Variants in PPIL2 observed in about 807,000 individuals in gnomAD.
PPIL2 encodes the protein RING-type E3 ubiquitin-protein ligase PPIL2.
Under a neutral mutation model 75.2 loss-of-function variants are expected in PPIL2, and 50 were observed. That is an observed-to-expected ratio of 0.66 (90% confidence interval 0.53 to 0.84). PPIL2 has a LOEUF of 0.84. PPIL2 is among the 40% of genes least tolerant of loss of function. PPIL2 has a pLI of 0.00. For missense variants in PPIL2, 590 were observed against 685.0 expected, an observed-to-expected ratio of 0.86 and a Z score of 1.55; for synonymous variants, 245 against 258.8, an observed-to-expected ratio of 0.95 and a Z score of 0.51.
chr22:21,692,424 G>T (rs1025089649), intron 15 of PPIL2, among the ~76,000 whole-genome samples: 54 of 151,868 alleles, frequency 3.6e-4, no homozygotes, highest in Non-Finnish European at 1.6e-4. Flanking sequence ...AAAGTGCTGG[G>T]ATTACAGGCG....
chr22:21,672,510 A>G (rs1023920287), intron 5 of PPIL2, 129 bp downstream of exon 5: 2 of 903,264 alleles, frequency 2.2e-6, no homozygotes, highest in Admixed American at 2.0e-5. Flanking sequence ...GTGAGGAGGG[A>G]CAGTCTTCCC....
At position 21,688,743 on chromosome 22, in the gene PPIL2, T is replaced by C; in HGVS notation, c.1033T>C (p.Tyr345His). 1 of 1,614,164 alleles carries C rather than the reference T, an allele frequency of 6.2e-7. No homozygotes were observed. The highest frequency in any genetic ancestry group is 8.5e-7 in the Non-Finnish European group (1 of 1,180,000). The change falls in exon 15 of 20, where the codon TAC becomes CAC. Residue 345 changes from tyrosine to histidine, a missense_variant. Coordinates refer to ENST00000398831, the MANE Select transcript of PPIL2 (RefSeq NM_014337.4). ...PTGTGTGGES[Y>H]WGKPFKDEFR... is the part of the protein sequence containing the mutation. Reference sequence around the variant, plus strand: ...CCTTTCTCTTCCAGGTGGGGAGTCATACTGGGGGAAGCCCTTCAAAGACGA... The same window carrying C: ...CCTTTCTCTTCCAGGTGGGGAGTCACACTGGGGGAAGCCCTTCAAAGACGA...
At chr22:21,687,598 T>A (rs2067427670) in intron 12 of PPIL2, 45 bp from the exon 13 acceptor site, 15 of 791,892 alleles carry the variant, frequency 1.9e-5, no homozygotes, top group Non-Finnish European at 2.6e-5. Flanking sequence ...GTGAGCTGCC[T>A]TTGGCAGCTC....
At chr22:21,686,810 T>G in intron 11 of PPIL2, 82 bp from the exon 12 acceptor site, 1 of 1,344,832 alleles carries the variant, frequency 7.4e-7, no homozygotes, top group Non-Finnish European at 1.1e-6. Context: ...TCCCCGCCTG[T>G]GTGTCTGAGG....
At chr22:21,685,786 C>G (rs753664089) in intron 10 of PPIL2, 2 of 382,464 alleles carry the variant, frequency 5.2e-6, no homozygotes, top group East Asian at 1.5e-4. Flanking sequence ...CTTTTTCTTC[C>G]TCTATGATAA....
intron 15 of PPIL2, among the ~76,000 whole-genome samples, chr22:21,692,498 G>A (rs12170039): frequency 0.41 from 61,909 of 151,736 alleles, 13,742 homozygotes; most frequent in African/African-American, 0.58. Flanking sequence ...CAGGTGGTCT[G>A]TTGCGTTCTA....
At chr22:21,670,319 A>G (rs1055683720) in intron 2 of PPIL2, 4 of 1,503,864 alleles carry the variant, frequency 2.7e-6, no homozygotes, top group Admixed American at 2.4e-5. Flanking sequence ...TATCAAGACT[A>G]CAATAACAAG....
intron 15 of PPIL2, among the ~76,000 whole-genome samples, chr22:21,691,629 G>A (rs372325950): frequency 1.3e-5 from 2 of 151,726 alleles, no homozygotes; most frequent in East Asian, 1.9e-4. Context: ...GCATTGAGCC[G>A]AGATCGCGCC....
intron 11 of PPIL2, 127 bp from the exon 12 acceptor site, chr22:21,686,765 C>T: frequency 9.1e-7 from 1 of 1,099,094 alleles, no homozygotes; most frequent in South Asian, 1.4e-5. Context: ...CCCTCGGCCT[C>T]CAGCTCCCCT....
chr22:21,695,104 A>G (rs1569049312), intron 19 of PPIL2, 34 bp downstream of exon 19: 6 of 1,561,216 alleles, frequency 3.8e-6, no homozygotes, highest in South Asian at 1.2e-5. Flanking sequence ...CCTGTTTCCC[A>G]TGGTGTTTCC....
At chr22:21,680,864 CAA>C (rs67687572) in intron 6 of PPIL2, among the ~76,000 whole-genome samples, 1 of 123,884 alleles carries the variant, frequency 8.1e-6, no homozygotes, top group Non-Finnish European at 1.7e-5. Flanking sequence ...CAGAGCAAAA[CAA>C]AAAAAAGACA....
chr22:21,692,533 A>G (rs1385200571), intron 15 of PPIL2, among the ~76,000 whole-genome samples: 1 of 151,798 alleles, frequency 6.6e-6, no homozygotes, highest in African/African-American at 2.4e-5. Flanking sequence ...TCTAGTTACC[A>G]TTTTTTATAT....
chr22:21,686,592 G>A, intron 11 of PPIL2, 34 bp downstream of exon 11: 1 of 1,600,534 alleles, frequency 6.2e-7, no homozygotes, highest in South Asian at 1.1e-5. Context: ...CACCTGCCAT[G>A]TGACCCAAAA....
intron 10 of PPIL2, 59 bp from the exon 11 acceptor site, chr22:21,686,424 G>C: frequency 6.5e-7 from 1 of 1,526,740 alleles, no homozygotes; most frequent in Non-Finnish European, 9.1e-7. Context: ...CAAGCGACAC[G>C]TCCCCACCCA....
rs759453616 is a variant in PPIL2, at chr22:21,681,398, C to A, written c.387+8C>A. The A allele has an allele frequency of 6.2e-7, 1 of 1,607,424 alleles. No homozygotes were observed. Among genetic ancestry groups the A allele is most frequent in the South Asian group, 1.1e-5 (1 of 90,942 alleles). ...AACGTCTACGCCTATGAGGTGTGTC[C>A]TCGCTCCGGGGCGTGGAGACAGCGG... On this transcript the variant is annotated splice_region_variant and intron_variant, in intron 7 of 19. Coordinates refer to ENST00000398831, the MANE Select transcript of PPIL2 (RefSeq NM_014337.4).
chr22:21,695,309 C>T (rs1601608345), intron 19 of PPIL2, 85 bp from the exon 20 acceptor site: 6 of 1,474,858 alleles, frequency 4.1e-6, no homozygotes, highest in Non-Finnish European at 4.6e-6. Context: ...GTTGGGCCTA[C>T]ACCGGGAGGG....
At chr22:21,670,817 AG>A in intron 3 of PPIL2, 179 bp from the exon 4 acceptor site, 1 of 840,292 alleles carries the variant, frequency 1.2e-6, no homozygotes, top group Non-Finnish European at 2.0e-6. Context: ...GACCTTCACC[AG>A]GGGTGGCACA....
chr22:21,683,375 C>T lies in PPIL2; in HGVS notation c.553+118C>T. The T allele has an allele frequency of 1.8e-5, 15 of 813,946 alleles. 1 individual carries two copies. The South Asian group carries it at 2.3e-4, about 12-fold the overall frequency. 50.4% of individuals were successfully genotyped at this position (813,946 alleles called of 1,614,324 possible). A position where few individuals can be genotyped will look rare whatever the true frequency, so the allele number is the denominator to read the frequency against. ...CAGGGGGTCCCAGCCCAGACAGGCCCTGCATTTTCTGAACTAGTGTTCAGA... is the reference window on the plus strand; with the variant it reads ...CAGGGGGTCCCAGCCCAGACAGGCCTTGCATTTTCTGAACTAGTGTTCAGA... On this transcript the variant is annotated intron_variant, in intron 9 of 19. Coordinates refer to ENST00000398831, the MANE Select transcript of PPIL2 (RefSeq NM_014337.4).
At chr22:21,682,690 C>T (rs557893539) in intron 8 of PPIL2, among the ~76,000 whole-genome samples, 164 bp downstream of exon 8, 106 of 143,888 alleles carry the variant, frequency 7.4e-4, no homozygotes, top group South Asian at 3.1e-3. Context: ...TTCAGCGCCT[C>T]GAGGGCAGGA....
Sources: allele counts gnomAD v4.1 joint callset (sites outside exome capture counted in the v4.1 genomes callset), GRCh38; gene constraint gnomAD v4.1.1; transcripts MANE v1.5; gene names NCBI Gene and HGNC (gene_info 2026-07-23, HGNC 2026-07-21).